Variants in ADAMTS17 observed in about 807,000 individuals in gnomAD.
The protein encoded by ADAMTS17 is ADAM metallopeptidase with thrombospondin type 1 motif 17, also known as A disintegrin and metalloproteinase with thrombospondin motifs 17.
Under a neutral mutation model 141.5 loss-of-function variants are expected in ADAMTS17, and 113 were observed. The observed-to-expected ratio is 0.80, with a 90% CI of 0.69 to 0.93. The LOEUF is 0.93. Ranked by LOEUF, ADAMTS17 falls within the 40% of genes least tolerant of loss-of-function variation. The pLI is 0.00. For missense variants in ADAMTS17, 1,659 were observed against 1,517.9 expected (o/e 1.09, Z -1.54); for synonymous variants, 768 against 630.6 (o/e 1.22, Z -3.27).
chr15:100,158,515 C>T (rs1368661176), intron 8 of ADAMTS17, among the ~76,000 whole-genome samples: 1 of 152,112 alleles, frequency 6.6e-6, no homozygotes, highest in African/African-American at 2.4e-5. Context: ...GTATTGCGGA[C>T]TACAATTGCA....
intron 10 of ADAMTS17, among the ~76,000 whole-genome samples, chr15:100,137,107 A>G (rs2038373674): frequency 6.6e-6 from 1 of 152,244 alleles, no homozygotes; most frequent in South Asian, 2.1e-4. Context: ...AGAAGTTACC[A>G]CAGGACGACC....
At position 100,331,988 on chromosome 15, in the gene ADAMTS17, A is replaced by G. The variant is rs377483023; in HGVS notation, c.451-934T>C. Reference sequence around the variant, plus strand: ...GCCAAATGAGATAGACCCCAGCTCTACGTTCTGAAAGGATGCACCAGTACC... The same window carrying G: ...GCCAAATGAGATAGACCCCAGCTCTGCGTTCTGAAAGGATGCACCAGTACC... On this transcript the variant is annotated intron_variant, in intron 2 of 21. Coordinates refer to ENST00000268070, the MANE Select transcript of ADAMTS17 (RefSeq NM_139057.4). Among the ~76,000 whole-genome samples the G allele has an allele frequency of 3.9e-5, 6 of 152,330 alleles. No homozygotes were observed. The East Asian group carries it at 1.2e-3, about 29-fold the overall frequency.
rs370921678 is a variant in ADAMTS17 at position 100,002,600 on chromosome 15, C to G, written c.2592-5011G>C. 3.1e-4 allele frequency among the ~76,000 whole-genome samples: 47 copies of G among 152,176 alleles called. 1 individual carries two copies. In the East Asian group the frequency reaches 4.1e-3, roughly 13 times the overall value. ...TTAAAAAGCCAGATCTGCGGGGAAACAGAGTCAAGAGGAACGTGGAAAAAG... is the reference window on the plus strand; with the variant it reads ...TTAAAAAGCCAGATCTGCGGGGAAAGAGAGTCAAGAGGAACGTGGAAAAAG... On this transcript the variant is annotated intron_variant, in intron 18 of 21. Transcript: ENST00000268070.
chr15:100,240,142 G>T (rs2042786629), intron 7 of ADAMTS17, among the ~76,000 whole-genome samples: 1 of 152,182 alleles, frequency 6.6e-6, no homozygotes. Context: ...GAGGGGCCCT[G>T]GGCCCCACCT....
At chr15:100,308,120 A>G (rs910663885) in intron 3 of ADAMTS17, among the ~76,000 whole-genome samples, 10 of 152,176 alleles carry the variant, frequency 6.6e-5, no homozygotes, top group South Asian at 6.2e-4. Context: ...CAACTTTTCA[A>G]TGACATCTAT....
intron 14 of ADAMTS17, among the ~76,000 whole-genome samples, chr15:100,103,574 C>CTTTTTTTTTTTTTTTTTTTTTTTTTTTTT (rs11411616): frequency 6.7e-6 from 1 of 150,148 alleles, no homozygotes. Context: ...TCCAGCCACT[C>CTTTTTTTTTTTTTTTTTTTTTTTTTTTTT]TTTTTTTTTC....
chr15:100,218,231 A>C (rs912584980), intron 7 of ADAMTS17, among the ~76,000 whole-genome samples: 4 of 152,242 alleles, frequency 2.6e-5, no homozygotes, highest in Non-Finnish European at 5.9e-5. Flanking sequence ...GAGATGACAG[A>C]TATGCTAACT....
chr15:100,211,033 G>A (rs2041785716), intron 7 of ADAMTS17, among the ~76,000 whole-genome samples: 1 of 151,858 alleles, frequency 6.6e-6, no homozygotes, highest in Non-Finnish European at 1.5e-5. Context: ...CTGGGAGGTG[G>A]AGCTTGCAGT....
At chr15:100,332,677 ACACATACACACT>A (rs2046091403) in intron 2 of ADAMTS17, among the ~76,000 whole-genome samples, 1 of 152,260 alleles carries the variant, frequency 6.6e-6, no homozygotes, top group Non-Finnish European at 1.5e-5. Context: ...GAGAAATCCT[ACACATACACACT>A]CATATACACA....
chr15:100,117,112 C>A, intron 12 of ADAMTS17, 99 bp from the exon 13 acceptor site: 1 of 1,442,662 alleles, frequency 6.9e-7, no homozygotes, highest in Admixed American at 2.0e-5. Context: ...AGGAAGGGGG[C>A]AGGGCAAGGT....
chr15:100,181,745 AG>A (rs2141533348), intron 8 of ADAMTS17, among the ~76,000 whole-genome samples: 1 of 152,256 alleles, frequency 6.6e-6, no homozygotes, highest in African/African-American at 2.4e-5. Context: ...AGGAGGAAGG[AG>A]TTATTTTTGT....
At chr15:100,321,330 C>G (rs2045727651) in intron 3 of ADAMTS17, among the ~76,000 whole-genome samples, 1 of 151,908 alleles carries the variant, frequency 6.6e-6, no homozygotes, top group East Asian at 1.9e-4. Context: ...GTATAGTAAA[C>G]AGATAAAATA....
chr15:100,095,286 A>G (rs1019278903), intron 15 of ADAMTS17, among the ~76,000 whole-genome samples: 1 of 152,070 alleles, frequency 6.6e-6, no homozygotes, highest in Non-Finnish European at 1.5e-5. Flanking sequence ...TTCATTTTGC[A>G]TTTGCATTTC....
chr15:100,235,970 C>CA (rs2042640925), intron 7 of ADAMTS17, among the ~76,000 whole-genome samples: 1 of 152,170 alleles, frequency 6.6e-6, no homozygotes, highest in South Asian at 2.1e-4. Flanking sequence ...TAAATACCAA[C>CA]ATCAAGTTTA....
intron 7 of ADAMTS17, among the ~76,000 whole-genome samples, chr15:100,208,231 T>G (rs1349658223): frequency 6.6e-6 from 1 of 152,124 alleles, no homozygotes; most frequent in South Asian, 2.1e-4. Flanking sequence ...CGAATCTCAA[T>G]GAAAACCGAG....
intron 3 of ADAMTS17, among the ~76,000 whole-genome samples, chr15:100,293,063 G>A (rs146414548): frequency 1.3e-5 from 2 of 152,266 alleles, no homozygotes; most frequent in East Asian, 3.9e-4. Flanking sequence ...ATGCCAAAGG[G>A]CCTAAAATTA....
At chr15:100,043,698 A>G (rs2031450383) in intron 18 of ADAMTS17, among the ~76,000 whole-genome samples, 2 of 152,268 alleles carry the variant, frequency 1.3e-5, no homozygotes, top group Admixed American at 1.3e-4. Flanking sequence ...CAGAGACCAC[A>G]TGTGGCCTGC....
At chr15:100,068,855 C>T (rs927209970) in intron 15 of ADAMTS17, among the ~76,000 whole-genome samples, 1 of 152,190 alleles carries the variant, frequency 6.6e-6, no homozygotes, top group African/African-American at 2.4e-5. Context: ...TCTCCTCCTC[C>T]AAAGGAACGC....
intron 16 of ADAMTS17, among the ~76,000 whole-genome samples, chr15:100,052,927 G>T (rs888732310): frequency 6.6e-6 from 1 of 152,210 alleles, no homozygotes. Flanking sequence ...GCCCACCCTG[G>T]GGGCCAGCGC....
Sources: gnomAD v4.1 joint callset for allele counts (sites outside exome capture counted in the v4.1 genomes callset) on GRCh38, gnomAD v4.1.1 for gene constraint, MANE v1.5 for transcripts, NCBI Gene and HGNC (gene_info 2026-07-23, HGNC 2026-07-21) for gene names.